EXOC6B: variants seen among roughly 807,000 people sequenced by gnomAD.
EXOC6B encodes exocyst complex component 6B.
A neutral mutation model predicts 113.5 loss-of-function variants in EXOC6B; 54 were observed. The ratio of observed to expected loss-of-function variants is 0.48; its 90% CI spans 0.38 to 0.60. EXOC6B has a LOEUF of 0.60. Among genes scored for constraint, EXOC6B ranks in the 20% least tolerant of loss-of-function variants. The probability of loss-of-function intolerance (pLI) is 0.00; values close to 1 mark genes in which losing one functional copy is unlikely to be tolerated. For missense variants in EXOC6B, 797 were observed against 977.5 expected, an observed-to-expected ratio of 0.82 and a Z score of 2.46; for synonymous variants, 357 against 339.0, an observed-to-expected ratio of 1.05 and a Z score of -0.58.
intron 19 of EXOC6B, among the ~76,000 whole-genome samples, chr2:72,370,640 A>G (rs1278106228): frequency 2.0e-5 from 3 of 152,244 alleles, no homozygotes; most frequent in Non-Finnish European, 4.4e-5. Context: ...AGGCTGGATC[A>G]AGAAAAGTTG....
intron 1 of EXOC6B, among the ~76,000 whole-genome samples, chr2:72,804,858 A>C (rs1466365361): frequency 6.6e-6 from 1 of 152,108 alleles, no homozygotes; most frequent in African/African-American, 2.4e-5. Flanking sequence ...TGGCCTCCCA[A>C]AGTGCTGGGA....
At chr2:72,268,505 T>TGACA (rs1434243943) in intron 20 of EXOC6B, among the ~76,000 whole-genome samples, 4 of 152,192 alleles carry the variant, frequency 2.6e-5, no homozygotes, top group African/African-American at 7.2e-5. Context: ...ATGCATAGTA[T>TGACA]GACACATGTA....
chr2:72,758,444 A>G (rs1433225698), intron 1 of EXOC6B, among the ~76,000 whole-genome samples: 1 of 152,134 alleles, frequency 6.6e-6, no homozygotes, highest in Non-Finnish European at 1.5e-5. Flanking sequence ...TATGCAAAAA[A>G]AAAACTCCCT....
At chr2:72,782,491 T>A (rs185587459) in intron 1 of EXOC6B, among the ~76,000 whole-genome samples, 200 of 152,326 alleles carry the variant, frequency 1.3e-3, no homozygotes, top group Non-Finnish European at 2.4e-3. Flanking sequence ...ATACTTAAGG[T>A]GTCCATCACC....
At chr2:72,754,017 C>G (rs1682230859) in intron 1 of EXOC6B, among the ~76,000 whole-genome samples, 1 of 152,154 alleles carries the variant, frequency 6.6e-6, no homozygotes, top group Non-Finnish European at 1.5e-5. Flanking sequence ...CCTCAGCCTC[C>G]TGAGTAGCTG....
At chr2:72,538,182 C>CA (rs1702408729) in intron 8 of EXOC6B, among the ~76,000 whole-genome samples, 1 of 152,010 alleles carries the variant, frequency 6.6e-6, no homozygotes. Flanking sequence ...AGGCTGGTCT[C>CA]AAACTCCTGG....
At chr2:72,185,403 C>T (rs1678357589) in intron 20 of EXOC6B, among the ~76,000 whole-genome samples, 2 of 152,388 alleles carry the variant, frequency 1.3e-5, no homozygotes, top group Admixed American at 6.5e-5. Context: ...GCCAAGTCTC[C>T]ACTTCATCCA....
chr2:72,567,987 G>A (rs1704285898), intron 7 of EXOC6B, among the ~76,000 whole-genome samples: 1 of 152,052 alleles, frequency 6.6e-6, no homozygotes, highest in Non-Finnish European at 1.5e-5. Context: ...TGGGTAACAA[G>A]CTGTTAGGGA....
At chr2:72,744,764 G>T (rs1681587375) in intron 1 of EXOC6B, among the ~76,000 whole-genome samples, 1 of 152,034 alleles carries the variant, frequency 6.6e-6, no homozygotes, top group South Asian at 2.1e-4. Context: ...GAGATCTACG[G>T]TAACGTCACA....
At chr2:72,460,632 GA>G (rs1322077998) in intron 18 of EXOC6B, among the ~76,000 whole-genome samples, 1 of 152,320 alleles carries the variant, frequency 6.6e-6, no homozygotes, top group Non-Finnish European at 1.5e-5. Context: ...GGTCATCAAA[GA>G]AATGCAAATC....
intron 17 of EXOC6B, among the ~76,000 whole-genome samples, chr2:72,473,937 G>A (rs75723068): frequency 0.014 from 2,157 of 152,192 alleles, 47 homozygotes; most frequent in African/African-American, 0.049. Context: ...TTTATTGTAA[G>A]GCCAGTGTAG....
intron 1 of EXOC6B, among the ~76,000 whole-genome samples, chr2:72,792,545 G>T (rs527868163): frequency 6.6e-6 from 1 of 151,914 alleles, no homozygotes; most frequent in Non-Finnish European, 1.5e-5. Flanking sequence ...CATCTGCTTC[G>T]AGTCATGATG....
At chr2:72,461,910 T>C (rs1697708822) in intron 18 of EXOC6B, 1 of 152,098 alleles carries the variant, frequency 6.6e-6, no homozygotes, top group Non-Finnish European at 1.5e-5. Context: ...ACAAGCTTAA[T>C]TTGTATGTCT....
At position 72,769,339 on chromosome 2, in the gene EXOC6B, G is replaced by A. The variant is rs148811288; in HGVS notation, c.114-27870C>T. 8.5e-5 allele frequency among the ~76,000 whole-genome samples: 13 copies of A among 152,294 alleles called. No individual in the cohort carries two copies. The East Asian group carries it at 2.3e-3, about 27-fold the overall frequency. ...TACGAAATAATAAGGATAATGTTGT[G>A]TGGGAACAAAATTACATGTAAAATT... is the stretch of plus-strand genomic sequence containing the variant. On this transcript the variant is annotated intron_variant, in intron 1 of 21. Transcript: ENST00000272427.
intron 20 of EXOC6B, among the ~76,000 whole-genome samples, chr2:72,246,470 G>A (rs976584413): frequency 3.3e-5 from 5 of 151,730 alleles, no homozygotes; most frequent in Non-Finnish European, 5.9e-5. Flanking sequence ...ATGTAAGTCC[G>A]GAATGCCAAT....
At chr2:72,583,288 G>A (rs1705342426) in intron 6 of EXOC6B, among the ~76,000 whole-genome samples, 1 of 152,098 alleles carries the variant, frequency 6.6e-6, no homozygotes, top group Admixed American at 6.6e-5. Flanking sequence ...ATATTTCAGG[G>A]AATAATTATA....
intron 1 of EXOC6B, among the ~76,000 whole-genome samples, chr2:72,781,674 T>C (rs937942328): frequency 6.6e-6 from 1 of 152,080 alleles, no homozygotes; most frequent in Non-Finnish European, 1.5e-5. Context: ...CAGGTCACTG[T>C]GACAGAGGAA....
At chr2:72,549,615 T>C (rs1340080002) in intron 8 of EXOC6B, among the ~76,000 whole-genome samples, 1 of 152,200 alleles carries the variant, frequency 6.6e-6, no homozygotes, top group Non-Finnish European at 1.5e-5. Context: ...ACAGAGTTTA[T>C]GCTGCCTGTG....
intron 6 of EXOC6B, among the ~76,000 whole-genome samples, chr2:72,632,164 G>C (rs1012437109): frequency 6.6e-6 from 1 of 152,102 alleles, no homozygotes; most frequent in East Asian, 1.9e-4. Context: ...CATGGGAAAT[G>C]AATACACAAT....
Sources: allele counts gnomAD v4.1 joint callset (sites outside exome capture counted in the v4.1 genomes callset), GRCh38; gene constraint gnomAD v4.1.1; transcripts MANE v1.5; gene names NCBI Gene and HGNC (gene_info 2026-07-23, HGNC 2026-07-21).